RALGAPB: variants seen among roughly 807,000 people sequenced by gnomAD.
RALGAPB encodes ral GTPase-activating protein subunit beta.
A neutral mutation model predicts 161.1 loss-of-function variants in RALGAPB; 25 were observed. The observed-to-expected ratio is 0.16, with a 90% CI of 0.11 to 0.22. The LOEUF is 0.22. Among genes scored for constraint, RALGAPB ranks in the 10% least tolerant of loss-of-function variants. The pLI, the probability that RALGAPB is intolerant of heterozygous loss-of-function variation, is 1.00. For synonymous variants in RALGAPB, 629 were observed against 626.1 expected (o/e 1.00, Z -0.07); for missense variants, 1,391 against 1,815.2 (o/e 0.77, Z 4.25).
chr20:38,479,231 G>A (rs1398070676), intron 1 of RALGAPB, among the ~76,000 whole-genome samples: 1 of 152,192 alleles, frequency 6.6e-6, no homozygotes, highest in East Asian at 1.9e-4. Flanking sequence ...GGACAAATTT[G>A]ACATGTAGCT....
intron 1 of RALGAPB, among the ~76,000 whole-genome samples, chr20:38,474,416 A>G (rs1390248333): frequency 6.6e-6 from 1 of 152,104 alleles, no homozygotes; most frequent in East Asian, 1.9e-4. Context: ...CAGCCTCTCA[A>G]GTAGCTGGGA....
chr20:38,496,160 G>A (rs749224719), intron 3 of RALGAPB, among the ~76,000 whole-genome samples: 11 of 152,082 alleles, frequency 7.2e-5, no homozygotes, highest in South Asian at 6.2e-4. Context: ...CGCTCCTGGA[G>A]GTGCTTGGCT....
chr20:38,562,882 C>T (rs1411931029), intron 24 of RALGAPB, among the ~76,000 whole-genome samples, 185 bp downstream of exon 24: 2 of 152,070 alleles, frequency 1.3e-5, no homozygotes, highest in African/African-American at 4.8e-5. Context: ...TCAAGACCAG[C>T]CTGGAAAACA....
Position 38,576,016 on chromosome 20 carries a change from G to A in RALGAPB, c.*1049G>A, listed in dbSNP as rs757364411. The A allele has an allele frequency of 6.6e-6, 1 of 152,302 alleles. No homozygotes were observed. The highest frequency in any genetic ancestry group is 6.5e-5 in the Admixed American group (1 of 15,270). 9.4% of individuals were successfully genotyped at this position (152,302 alleles called of 1,614,324 possible). A position where few individuals can be genotyped will look rare whatever the true frequency, so the allele number is the denominator to read the frequency against. ...CAAACATGAGTGACCACCTCTTTGGGTGGCTACTGTTAGAAATGGCTGTTG... is the reference window on the plus strand; with the variant it reads ...CAAACATGAGTGACCACCTCTTTGGATGGCTACTGTTAGAAATGGCTGTTG... On this transcript the variant is annotated 3_prime_UTR_variant, in exon 30 of 30. Coordinates refer to ENST00000262879, the MANE Select transcript of RALGAPB (RefSeq NM_020336.4).
intron 16 of RALGAPB, 36 bp downstream of exon 16, chr20:38,535,243 C>T: frequency 6.2e-7 from 1 of 1,608,100 alleles, no homozygotes; most frequent in African/African-American, 1.3e-5. Flanking sequence ...AACCCAACAG[C>T]CTTGGGCCTT....
At position 38,509,064 on chromosome 20, in the gene RALGAPB, A is replaced by G; in HGVS notation, c.741-13A>G. On this transcript the variant is annotated splice_polypyrimidine_tract_variant and intron_variant, in intron 5 of 29. Coordinates refer to ENST00000262879, the MANE Select transcript of RALGAPB (RefSeq NM_020336.4). The stretch of plus-strand genomic sequence containing the variant: ...TTAAGAAATGGACTCAGTGGTGTGC[A>G]TTTATTTTCTAGATTGCTACGCTTT... The G allele has an allele frequency of 6.2e-7, 1 of 1,612,398 alleles. No homozygotes were observed.
chr20:38,544,775 A>G (rs1177497000), intron 18 of RALGAPB, among the ~76,000 whole-genome samples: 1 of 152,162 alleles, frequency 6.6e-6, no homozygotes, highest in Non-Finnish European at 1.5e-5. Flanking sequence ...AGCTGAGTAC[A>G]GTATTCTAGA....
chr20:38,574,160 C>A lies in RALGAPB; in HGVS notation c.4153C>A (p.Leu1385Ile), dbSNP rs1018442859. The A allele has an allele frequency of 1.4e-5, 23 of 1,607,154 alleles. No homozygotes were observed. Among genetic ancestry groups the A allele is most frequent in the Non-Finnish European group, 2.0e-5 (23 of 1,177,770 alleles). Reference protein sequence around the residue: ...NSSTSLRSTTLEKEVPVIFIH... With the variant: ...NSSTSLRSTTIEKEVPVIFIH... ...TTTTCTTTTCTTAAGATCTACAACT[C>A]TTGAAAAAGAAGTTCCTGTCATCTT... is the stretch of plus-strand genomic sequence containing the variant. The change falls in exon 29 of 30, where the codon CTT (leucine) becomes ATT (isoleucine). Residue 1385 changes from leucine (L) to isoleucine (I), a missense_variant. By Grantham distance (5) the Leu-to-Ile change is conservative. Coordinates refer to ENST00000262879, the MANE Select transcript of RALGAPB (RefSeq NM_020336.4).
At chr20:38,572,498 C>G (rs949711267) in intron 28 of RALGAPB, among the ~76,000 whole-genome samples, 1 of 152,220 alleles carries the variant, frequency 6.6e-6, no homozygotes, top group African/African-American at 2.4e-5. Context: ...CCCTGCATCT[C>G]TCTCATCACA....
chr20:38,574,841 T>C lies in RALGAPB; in HGVS notation c.4359T>C (p.Ser1453=), dbSNP rs138886522. The C allele has an allele frequency of 5.7e-4, 917 of 1,613,342 alleles. 15 individuals carry two copies. In the East Asian group the frequency reaches 0.019, roughly 34 times the overall value. ...RRKRLESDSY[S]PPHVRRKQKI... ...AGAGACTGGAAAGTGACTCCTACAG[T>C]CCCCCCCATGTCCGCCGGAAACAGA... The change falls in exon 30 of 30, where the codon AGT becomes AGC. Residue 1453 remains serine, a synonymous_variant. Coordinates refer to ENST00000262879, the MANE Select transcript of RALGAPB (RefSeq NM_020336.4).
chr20:38,516,512 G>A, intron 7 of RALGAPB, 142 bp downstream of exon 7: 1 of 830,280 alleles, frequency 1.2e-6, no homozygotes. Flanking sequence ...AAAATTATTT[G>A]CAACAAATAA....
intron 26 of RALGAPB, 84 bp downstream of exon 26, chr20:38,567,316 C>A: frequency 6.6e-7 from 1 of 1,522,686 alleles, no homozygotes; most frequent in Non-Finnish European, 8.8e-7. Context: ...GCTTTTAACC[C>A]AGAGAGTATT....
intron 21 of RALGAPB, 150 bp downstream of exon 21, chr20:38,551,373 G>A (rs750689475): frequency 5.0e-5 from 46 of 915,136 alleles, no homozygotes; most frequent in Non-Finnish European, 6.9e-5. Context: ...TGTTTAAGAC[G>A]AATATAGATT....
rs1314796163 is a variant in RALGAPB, at chr20:38,570,778, C to A, written c.4073C>A (p.Pro1358His). ...VERYDDIENF[P>H]LSELMTEIST... is the part of the protein sequence containing the mutation. Reference sequence around the variant, plus strand: ...TATTATTTTCTTCCAGAAAACTTTCCCCTCTCAGAGCTGATGACAGAGATC... The same window carrying A: ...TATTATTTTCTTCCAGAAAACTTTCACCTCTCAGAGCTGATGACAGAGATC... The change falls in exon 28 of 30, where the codon CCC (proline) becomes CAC (histidine). Residue 1358 changes from proline (P) to histidine (H), a missense_variant. Around this residue, in one of 3 missense-constraint regions of RALGAPB, gnomAD observed 436 missense variants for 527.0 expected, o/e 0.83. Coordinates refer to ENST00000262879, the MANE Select transcript of RALGAPB (RefSeq NM_020336.4). 2 of 1,601,096 alleles carry A rather than the reference C, an allele frequency of 1.2e-6. No individual in the cohort carries two copies. Among genetic ancestry groups the A allele is most frequent in the Admixed American group, 3.4e-5 (2 of 59,452 alleles).
chr20:38,486,082 G>A (rs776482033), intron 1 of RALGAPB, among the ~76,000 whole-genome samples: 8 of 143,266 alleles, frequency 5.6e-5, no homozygotes, highest in Non-Finnish European at 1.0e-4. Context: ...TGATTTTCCT[G>A]CCTCAGCCTC....
At chr20:38,539,295 G>A (rs1034370545) in intron 16 of RALGAPB, among the ~76,000 whole-genome samples, 1 of 152,178 alleles carries the variant, frequency 6.6e-6, no homozygotes, top group African/African-American at 2.4e-5. Context: ...ATTTGGAGGT[G>A]ATAGATACAT....
chr20:38,536,670 A>C (rs1031359612), intron 16 of RALGAPB, among the ~76,000 whole-genome samples: 1 of 152,204 alleles, frequency 6.6e-6, no homozygotes, highest in African/African-American at 2.4e-5. Flanking sequence ...TATCTTACAT[A>C]TAATATATAA....
chr20:38,479,384 T>C (rs113816886), intron 1 of RALGAPB, among the ~76,000 whole-genome samples: 93 of 152,340 alleles, frequency 6.1e-4, no homozygotes, highest in African/African-American at 2.2e-3. Flanking sequence ...ATAGAAGGCA[T>C]GTAATAAATA....
At chr20:38,502,571 ATG>A (rs1478282379) in intron 5 of RALGAPB, among the ~76,000 whole-genome samples, 2 of 152,102 alleles carry the variant, frequency 1.3e-5, no homozygotes, top group African/African-American at 4.8e-5. Context: ...GTAAATGTAA[ATG>A]TGTTTTCTCT....
Sources: allele counts gnomAD v4.1 joint callset (sites outside exome capture counted in the v4.1 genomes callset), GRCh38; gene constraint gnomAD v4.1.1; regional missense constraint gnomAD v4.1.1; transcripts MANE v1.5; gene names NCBI Gene and HGNC (gene_info 2026-07-23, HGNC 2026-07-21).